The following THSD7B variants were observed in gnomAD, a reference collection of about 807,000 sequenced individuals.
The protein encoded by THSD7B is thrombospondin type-1 domain-containing protein 7B.
THSD7B carries 138 observed loss-of-function variants against 213.6 expected under a neutral mutation model. That is an observed-to-expected ratio of 0.65 (90% CI 0.56 to 0.74). THSD7B has a LOEUF of 0.74. Among genes scored for constraint, THSD7B ranks in the 30% least tolerant of loss-of-function variants. The pLI is 0.00. For missense variants in THSD7B, 1,931 were observed against 1,991.5 expected (o/e 0.97, Z 0.58); for synonymous variants, 742 against 687.0 (o/e 1.08, Z -1.25).
At chr2:137,283,053 C>T (rs1162940415) in intron 12 of THSD7B, among the ~76,000 whole-genome samples, 2 of 152,146 alleles carry the variant, frequency 1.3e-5, no homozygotes, top group African/African-American at 4.8e-5. Flanking sequence ...GAATATTCTT[C>T]CATTTGTTTG....
Position 137,576,795 on chromosome 2 carries a change from A to ACC in THSD7B, c.3423+4248_3423+4249dup, listed in dbSNP as rs5834564. ...TTAAGCATTTGAGGTTAAGAAAAAC[A>ACC]CCCCCCCCCCTTTTTTTAATGGTGC... On this transcript the variant is annotated intron_variant, in intron 17 of 27. Transcript: ENST00000409968. Among the ~76,000 whole-genome samples the ACC allele has an allele frequency of 4.2e-3, 540 of 128,332 alleles. 4 individuals are homozygous for ACC. The highest frequency in any genetic ancestry group is 0.012 in the Middle Eastern group (3 of 242). The allele number at this position is 128,332 out of a possible 152,430, so 84.2% of individuals were successfully genotyped here.
At position 136,968,555 on chromosome 2, in the gene THSD7B, A is replaced by G. The variant is rs141101368; in HGVS notation, c.139+86238A>G. ...TATGATGCAAATATATTTTTCTGCC[A>G]TGTCTGTATTTTCGCTTTCCTTGTG... On this transcript the variant is annotated intron_variant, in intron 2 of 27. Transcript: ENST00000409968. Among the ~76,000 whole-genome samples the G allele has an allele frequency of 1.2e-3, 176 of 152,194 alleles. 1 individual carries two copies. Among genetic ancestry groups the G allele is most frequent in the African/African-American group, 4.1e-3 (172 of 41,570 alleles).
chr2:137,392,332 G>A (rs1189848955), intron 12 of THSD7B, among the ~76,000 whole-genome samples: 1 of 152,132 alleles, frequency 6.6e-6, no homozygotes, highest in East Asian at 1.9e-4. Context: ...TCTGTCTAAT[G>A]CTGTGAGTAG....
intron 2 of THSD7B, among the ~76,000 whole-genome samples, chr2:136,969,207 A>G (rs1042334115): frequency 3.3e-5 from 5 of 152,118 alleles, no homozygotes; most frequent in Admixed American, 2.6e-4. Context: ...CCAGTTTTGA[A>G]TGTTTAATGT....
At chr2:137,283,768 A>G (rs1222624768) in intron 12 of THSD7B, among the ~76,000 whole-genome samples, 1 of 152,136 alleles carries the variant, frequency 6.6e-6, no homozygotes, top group Non-Finnish European at 1.5e-5. Context: ...CATGGTGGAT[A>G]AGCTTTTTGA....
At chr2:137,047,984 A>T (rs1377302081) in intron 2 of THSD7B, among the ~76,000 whole-genome samples, 1 of 152,116 alleles carries the variant, frequency 6.6e-6, no homozygotes, top group Non-Finnish European at 1.5e-5. Flanking sequence ...AGGTATACAC[A>T]TGCCATGGTG....
At chr2:136,854,186 A>T (rs1297361902) in intron 1 of THSD7B, among the ~76,000 whole-genome samples, 1 of 152,090 alleles carries the variant, frequency 6.6e-6, no homozygotes, top group African/African-American at 2.4e-5. Flanking sequence ...CTGGGGGGGA[A>T]TAAAATACCA....
intron 3 of THSD7B, among the ~76,000 whole-genome samples, chr2:137,091,108 T>C (rs1687940406): frequency 6.6e-6 from 1 of 152,250 alleles, no homozygotes; most frequent in Non-Finnish European, 1.5e-5. Flanking sequence ...ACATATGCTA[T>C]TTCTTGGAAA....
intron 2 of THSD7B, among the ~76,000 whole-genome samples, chr2:136,993,955 G>T (rs1685834015): frequency 6.6e-6 from 1 of 152,210 alleles, no homozygotes; most frequent in Non-Finnish European, 1.5e-5. Context: ...ATACATACAT[G>T]TTATAGAAAA....
chr2:137,545,882 T>C (rs528374164), intron 15 of THSD7B, among the ~76,000 whole-genome samples: 1 of 151,894 alleles, frequency 6.6e-6, no homozygotes, highest in African/African-American at 2.4e-5. Flanking sequence ...GGTCTGCCTG[T>C]AGTTATGCAT....
chr2:137,259,048 G>A (rs1227605138), intron 10 of THSD7B, among the ~76,000 whole-genome samples: 2 of 152,140 alleles, frequency 1.3e-5, no homozygotes, highest in Non-Finnish European at 2.9e-5. Context: ...GTATTCCATG[G>A]TGTATATGTG....
intron 12 of THSD7B, among the ~76,000 whole-genome samples, chr2:137,335,514 T>G (rs1271372642): frequency 6.6e-6 from 1 of 152,234 alleles, no homozygotes; most frequent in African/African-American, 2.4e-5. Flanking sequence ...TTATCCACAT[T>G]GAATTTTCCT....
intron 7 of THSD7B, among the ~76,000 whole-genome samples, chr2:137,230,423 A>G (rs1318543843): frequency 2.0e-5 from 3 of 152,194 alleles, no homozygotes; most frequent in Non-Finnish European, 4.4e-5. Context: ...TTAGCAATGC[A>G]TTAGATTATT....
chr2:137,560,316 G>A (rs1297273990), intron 15 of THSD7B, among the ~76,000 whole-genome samples: 1 of 152,062 alleles, frequency 6.6e-6, no homozygotes, highest in Non-Finnish European at 1.5e-5. Flanking sequence ...CAACCCAAAT[G>A]TCCAACAATG....
chr2:137,358,921 C>T (rs1685194191), intron 12 of THSD7B, among the ~76,000 whole-genome samples: 2 of 152,146 alleles, frequency 1.3e-5, no homozygotes. Context: ...TTTGTAGGCT[C>T]CCTGAGTGCC....
At chr2:137,084,273 G>T (rs1424089926) in intron 3 of THSD7B, among the ~76,000 whole-genome samples, 1 of 152,180 alleles carries the variant, frequency 6.6e-6, no homozygotes. Flanking sequence ...TAATAAAAGA[G>T]GCATAAACTC....
At chr2:137,451,071 T>C in intron 15 of THSD7B, 48 bp downstream of exon 15, 1 of 1,447,074 alleles carries the variant, frequency 6.9e-7, no homozygotes, top group Non-Finnish European at 9.1e-7. Context: ...GCTATCCTCA[T>C]TATTATTTCC....
chr2:137,206,665 A>G (rs1468429121), intron 7 of THSD7B, among the ~76,000 whole-genome samples: 1 of 152,010 alleles, frequency 6.6e-6, no homozygotes, highest in Non-Finnish European at 1.5e-5. Flanking sequence ...ACCATAAAGG[A>G]TTTTGCTCAG....
chr2:137,410,551 G>A (rs543506755), intron 13 of THSD7B, among the ~76,000 whole-genome samples: 9 of 152,240 alleles, frequency 5.9e-5, no homozygotes, highest in South Asian at 4.2e-4. Flanking sequence ...TTACAGATGT[G>A]AGCCACCATG....
Sources: gnomAD v4.1 joint callset for allele counts (sites outside exome capture counted in the v4.1 genomes callset) on GRCh38, gnomAD v4.1.1 for gene constraint, MANE v1.5 for transcripts, NCBI Gene and HGNC (gene_info 2026-07-23, HGNC 2026-07-21) for gene names.